Variants in POLN observed in about 807,000 individuals in gnomAD.
POLN encodes the protein DNA polymerase nu.
POLN carries 108 observed loss-of-function variants against 113.5 expected under a neutral mutation model. The observed-to-expected ratio is 0.95, with a 90% CI of 0.81 to 1.12. The LOEUF (loss-of-function observed/expected upper bound fraction) is 1.12. POLN is among the 50% of genes most tolerant of loss of function. POLN has a pLI of 0.00. For missense variants in POLN, 1,097 were observed against 1,077.1 expected, an observed-to-expected ratio of 1.02 and a Z score of -0.26; for synonymous variants, 386 against 391.5, an observed-to-expected ratio of 0.99 and a Z score of 0.17.
At chr4:2,134,849 G>C (rs1208458166) in intron 16 of POLN, among the ~76,000 whole-genome samples, 1 of 152,198 alleles carries the variant, frequency 6.6e-6, no homozygotes, top group East Asian at 1.9e-4. Flanking sequence ...TGTAATACGT[G>C]CGTGTTTACT....
intron 7 of POLN, among the ~76,000 whole-genome samples, chr4:2,189,141 A>C (rs1193380188): frequency 6.6e-6 from 1 of 152,228 alleles, no homozygotes; most frequent in Non-Finnish European, 1.5e-5. Context: ...ACTTAACCAC[A>C]AGTAACAAAA....
At chr4:2,231,315 T>C (rs1734570700) in intron 2 of POLN, 1 of 152,256 alleles carries the variant, frequency 6.6e-6, no homozygotes, top group African/African-American at 2.4e-5. Context: ...AAATATTTAA[T>C]AGCGGCTGAG....
chr4:2,089,962 C>A (rs1407046376), intron 20 of POLN: 2 of 937,534 alleles, frequency 2.1e-6, no homozygotes, highest in African/African-American at 3.3e-5. Context: ...TTTTGTTAAC[C>A]TACATGATTC....
At chr4:2,239,588 C>T (rs1462128376) in intron 2 of POLN, among the ~76,000 whole-genome samples, 1 of 152,202 alleles carries the variant, frequency 6.6e-6, no homozygotes, top group Non-Finnish European at 1.5e-5. Context: ...ATCTGCAATA[C>T]ATCTATCCAT....
intron 5 of POLN, among the ~76,000 whole-genome samples, chr4:2,202,602 T>C (rs1489647723): frequency 1.3e-5 from 2 of 151,482 alleles, no homozygotes; most frequent in Admixed American, 1.3e-4. Flanking sequence ...CTTGCTCCTA[T>C]AGTCCCAGCT....
At chr4:2,104,429 T>C (rs1183071487) in intron 19 of POLN, among the ~76,000 whole-genome samples, 1 of 152,228 alleles carries the variant, frequency 6.6e-6, no homozygotes, top group South Asian at 2.1e-4. Flanking sequence ...CTGGGTCATA[T>C]GGTAACTCTG....
At position 2,112,887 on chromosome 4, in the gene POLN, T is replaced by C. The variant is rs1364362323; in HGVS notation, c.1982+15226A>G. On this transcript the variant is annotated intron_variant, in intron 19 of 25. Transcript: ENST00000511885. The stretch of plus-strand genomic sequence containing the variant: ...TTGACCCAGCCATCCCATTACTGGG[T>C]ATATACCCAAAGGATTAGAAATCAT... Among the ~76,000 whole-genome samples, 3 of 152,092 alleles carry C rather than the reference T, an allele frequency of 2.0e-5. No individual in the cohort carries two copies. In the East Asian group the frequency reaches 5.8e-4, roughly 29 times the overall value.
chr4:2,208,510 TC>T, intron 4 of POLN, 23 bp from the exon 5 acceptor site: 1 of 1,472,370 alleles, frequency 6.8e-7, no homozygotes, highest in South Asian at 1.3e-5. Context: ...GGAAAATATT[TC>T]ATTAGAATAT....
At chr4:2,105,584 A>G (rs1221053396) in intron 19 of POLN, among the ~76,000 whole-genome samples, 1 of 152,144 alleles carries the variant, frequency 6.6e-6, no homozygotes, top group Non-Finnish European at 1.5e-5. Context: ...GCTGGTGGTG[A>G]GAGGAGCTAT....
rs777748600 is a variant in POLN at position 2,081,659 on chromosome 4, C to T, written c.2282G>A (p.Arg761Gln). 14 of 1,614,074 alleles carry T rather than the reference C, an allele frequency of 8.7e-6. No individual in the cohort carries two copies. Among genetic ancestry groups the T allele is most frequent in the African/African-American group, 4.0e-5 (3 of 74,920 alleles). Residue 761 changes from arginine to glutamine, a missense_variant, in exon 22 of 26, where the codon CGA becomes CAA. Physicochemically the swap from Arg to Gln is conservative, Grantham distance 43. Transcript: ENST00000511885. ...HDQQLRAQAERQAVNFVVQGS... is the reference protein window; with the variant it reads ...HDQQLRAQAEQQAVNFVVQGS... ...TTGCACCACGAAGTTCACTGCCTGT[C>T]GCTCTGCTTGTGCCCGGAGTTGCTG... is the stretch of plus-strand genomic sequence containing the variant.
At chr4:2,230,270 G>C (rs1267340036) in intron 2 of POLN, 1 of 152,172 alleles carries the variant, frequency 6.6e-6, no homozygotes, top group East Asian at 1.9e-4. Context: ...ACTCCAGCCT[G>C]AGTGACACAG....
At chr4:2,090,016 T>C (rs544197515) in intron 20 of POLN, 3 of 893,914 alleles carry the variant, frequency 3.4e-6, no homozygotes, top group Non-Finnish European at 5.3e-6. Context: ...CTTTTTCCTA[T>C]GGAGTAAACA....
chr4:2,121,465 A>C (rs1312449746), intron 19 of POLN, among the ~76,000 whole-genome samples: 3 of 149,498 alleles, frequency 2.0e-5, no homozygotes, highest in Non-Finnish European at 1.5e-5. Flanking sequence ...ATATATATAT[A>C]TCCAGGGAAG....
intron 3 of POLN, among the ~76,000 whole-genome samples, chr4:2,217,694 A>G (rs1283976695): frequency 1.3e-5 from 2 of 152,226 alleles, no homozygotes; most frequent in Non-Finnish European, 2.9e-5. Context: ...AGGAGTCTGC[A>G]TTGAGATTCT....
intron 4 of POLN, among the ~76,000 whole-genome samples, chr4:2,210,582 AAATAATAATAATAAT>A (rs376506693): frequency 0.024 from 2,959 of 121,118 alleles, 122 homozygotes; most frequent in African/African-American, 0.087. Context: ...GAAAGTCTCA[AAATAATAATAATAAT>A]AATAATAATA....
intron 19 of POLN, among the ~76,000 whole-genome samples, chr4:2,110,896 C>G (rs1731176706): frequency 6.6e-6 from 1 of 152,168 alleles, no homozygotes; most frequent in Non-Finnish European, 1.5e-5. Context: ...TTTATGAGGC[C>G]AGCATCATCT....
intron 4 of POLN, 51 bp from the exon 5 acceptor site, chr4:2,208,538 T>A: frequency 1.5e-6 from 2 of 1,374,430 alleles, no homozygotes; most frequent in South Asian, 3.1e-5. Flanking sequence ...ATAAGACAGA[T>A]CTATAAACTA....
chr4:2,154,591 C>A (rs1206490334), intron 16 of POLN, among the ~76,000 whole-genome samples: 1 of 152,164 alleles, frequency 6.6e-6, no homozygotes, highest in African/African-American at 2.4e-5. Context: ...AATTTGGCAA[C>A]ATAAAGCCTT....
chr4:2,103,671 G>A (rs1730982771), intron 19 of POLN, among the ~76,000 whole-genome samples: 1 of 152,188 alleles, frequency 6.6e-6, no homozygotes, highest in African/African-American at 2.4e-5. Flanking sequence ...ACCGTCTAAA[G>A]TGAAAGTTAA....
Sources: allele counts gnomAD v4.1 joint callset (sites outside exome capture counted in the v4.1 genomes callset), GRCh38; gene constraint gnomAD v4.1.1; transcripts MANE v1.5; gene names NCBI Gene and HGNC (gene_info 2026-07-23, HGNC 2026-07-21).